The following CDH12 variants were observed in gnomAD, a reference collection of about 807,000 sequenced individuals.
CDH12 encodes cadherin 12, also known as cadherin-12.
CDH12 carries 41 observed loss-of-function variants against 74.1 expected under a neutral mutation model. That is an observed-to-expected ratio of 0.55 (90% confidence interval 0.43 to 0.72). CDH12 has a LOEUF of 0.72. Among genes scored for constraint, CDH12 ranks in the 30% least tolerant of loss-of-function variants. CDH12 has a pLI of 0.00. For synonymous variants in CDH12, 399 were observed against 355.0 expected, an observed-to-expected ratio of 1.12 and a Z score of -1.39; for missense variants, 945 against 977.2, an observed-to-expected ratio of 0.97 and a Z score of 0.44.
At chr5:22,428,214 C>T (rs746096235) in intron 2 of CDH12, among the ~76,000 whole-genome samples, 2,198 of 145,114 alleles carry the variant, frequency 0.015, 18 homozygotes, top group African/African-American at 0.027. Flanking sequence ...TATACACACA[C>T]ACACACACAC....
chr5:21,876,249 T>C (rs1209726255), intron 6 of CDH12, among the ~76,000 whole-genome samples: 2 of 152,170 alleles, frequency 1.3e-5, no homozygotes, highest in Non-Finnish European at 2.9e-5. Context: ...TGTCTCTTTT[T>C]ATGGTTTCTT....
chr5:21,854,938 G>A (rs569273434), intron 6 of CDH12, 148 bp from the exon 7 acceptor site: 29 of 550,936 alleles, frequency 5.3e-5, no homozygotes, highest in Middle Eastern at 3.2e-4. Flanking sequence ...TAGTTTAACC[G>A]TTATAACCAA....
chr5:22,452,409 T>C (rs1349087749), intron 2 of CDH12, among the ~76,000 whole-genome samples: 2 of 151,950 alleles, frequency 1.3e-5, no homozygotes, highest in African/African-American at 4.8e-5. Context: ...AACTTGGAAA[T>C]ATATTTACAC....
At chr5:21,775,614 C>T (rs528226767) in intron 11 of CDH12, among the ~76,000 whole-genome samples, 1 of 152,158 alleles carries the variant, frequency 6.6e-6, no homozygotes, top group Admixed American at 6.5e-5. Flanking sequence ...TTTCTTCAAC[C>T]TAGAATGGCA....
At chr5:22,192,441 G>A (rs1202556667) in intron 4 of CDH12, among the ~76,000 whole-genome samples, 5 of 152,182 alleles carry the variant, frequency 3.3e-5, no homozygotes, top group Non-Finnish European at 7.3e-5. Flanking sequence ...TGAATGTAAT[G>A]TCAGGTTTGG....
At chr5:21,908,915 T>A (rs1753751960) in intron 6 of CDH12, among the ~76,000 whole-genome samples, 1 of 152,018 alleles carries the variant, frequency 6.6e-6, no homozygotes, top group African/African-American at 2.4e-5. Context: ...CGCATGAGAG[T>A]GTAAAAAAAA....
At chr5:22,422,257 G>A (rs984099907) in intron 2 of CDH12, among the ~76,000 whole-genome samples, 6 of 152,010 alleles carry the variant, frequency 3.9e-5, no homozygotes, top group African/African-American at 1.4e-4. Context: ...TTTGAGGTAG[G>A]TTCCATTAAT....
rs201186054 is a variant in CDH12, at chr5:22,217,505, C to CT, written c.-332-4863dup. 9.2e-3 allele frequency among the ~76,000 whole-genome samples: 1,399 copies of CT among 151,662 alleles called. 9 individuals are homozygous for CT. The highest frequency in any genetic ancestry group is 0.038 in the Middle Eastern group (11 of 292). On this transcript the variant is annotated intron_variant, in intron 3 of 14. Coordinates refer to ENST00000382254, the MANE Select transcript of CDH12 (RefSeq NM_004061.5). ...TGCATAATTAAAAGAAAAGAAATGG[C>CT]TTTTGTAGACATAATTGCTTTGCAT...
chr5:22,787,587 TTAA>T (rs1243338784), intron 1 of CDH12, among the ~76,000 whole-genome samples: 1 of 152,188 alleles, frequency 6.6e-6, no homozygotes, highest in South Asian at 2.1e-4. Flanking sequence ...ATATTTATTT[TTAA>T]TAATGTTTTA....
At chr5:21,981,739 TG>T (rs1481758168) in intron 5 of CDH12, among the ~76,000 whole-genome samples, 1 of 152,198 alleles carries the variant, frequency 6.6e-6, no homozygotes, top group African/African-American at 2.4e-5. Context: ...TACAGTGCAG[TG>T]GCACAATCTC....
At chr5:22,759,820 A>C (rs112501368) in intron 1 of CDH12, among the ~76,000 whole-genome samples, 50 of 152,188 alleles carry the variant, frequency 3.3e-4, no homozygotes, top group African/African-American at 1.1e-3. Flanking sequence ...TGGATGCTGG[A>C]TAGTCCGAAA....
intron 1 of CDH12, among the ~76,000 whole-genome samples, chr5:22,538,162 T>A (rs539827762): frequency 3.9e-5 from 6 of 152,294 alleles, no homozygotes; most frequent in African/African-American, 1.2e-4. Context: ...ACCATTTGTA[T>A]CTGTTTCTTT....
intron 1 of CDH12, among the ~76,000 whole-genome samples, chr5:22,733,276 T>A (rs1373384006): frequency 5.3e-5 from 8 of 151,922 alleles, no homozygotes; most frequent in African/African-American, 1.4e-4. Context: ...TAAATATTTT[T>A]AAAAATAAAA....
At chr5:22,304,101 G>C (rs1032796032) in intron 3 of CDH12, among the ~76,000 whole-genome samples, 5 of 152,004 alleles carry the variant, frequency 3.3e-5, no homozygotes, top group Admixed American at 6.6e-5. Context: ...ATATTACTCA[G>C]CATGTTGATA....
At chr5:21,798,708 A>T (rs1455564251) in intron 10 of CDH12, among the ~76,000 whole-genome samples, 1 of 152,134 alleles carries the variant, frequency 6.6e-6, no homozygotes, top group Non-Finnish European at 1.5e-5. Flanking sequence ...ATACAAAGAC[A>T]TGACTTTCTG....
chr5:22,566,995 C>G (rs1404182574), intron 1 of CDH12, among the ~76,000 whole-genome samples: 1 of 152,110 alleles, frequency 6.6e-6, no homozygotes, highest in East Asian at 1.9e-4. Flanking sequence ...AACGATGTCA[C>G]CACAAATGAG....
intron 1 of CDH12, among the ~76,000 whole-genome samples, chr5:22,733,452 TA>T (rs1478788109): frequency 2.6e-5 from 4 of 151,466 alleles, no homozygotes; most frequent in Admixed American, 6.6e-5. Flanking sequence ...TTTTTTTTTT[TA>T]GTTTAGCATA....
chr5:22,846,524 G>C (rs1040262755), intron 1 of CDH12, among the ~76,000 whole-genome samples: 1 of 152,128 alleles, frequency 6.6e-6, no homozygotes, highest in Non-Finnish European at 1.5e-5. Context: ...ACTCAGTGAT[G>C]AAAGAATAAA....
At chr5:22,756,171 T>C (rs1430330781) in intron 1 of CDH12, among the ~76,000 whole-genome samples, 1 of 150,392 alleles carries the variant, frequency 6.6e-6, no homozygotes, top group African/African-American at 2.4e-5. Flanking sequence ...CTGCTCAGTC[T>C]ATAACAGTAT....
Sources: gnomAD v4.1 joint callset for allele counts (sites outside exome capture counted in the v4.1 genomes callset) on GRCh38, gnomAD v4.1.1 for gene constraint, MANE v1.5 for transcripts, NCBI Gene and HGNC (gene_info 2026-07-23, HGNC 2026-07-21) for gene names.